The following TTF2 variants were observed in gnomAD, a reference collection of about 807,000 sequenced individuals.
TTF2 encodes the protein transcription termination factor 2.
In TTF2, 108 loss-of-function variants were observed where a neutral mutation model predicts 142.4. That is an observed-to-expected ratio of 0.76 (90% CI 0.65 to 0.89). The LOEUF (loss-of-function observed/expected upper bound fraction) is 0.89. Ranked by LOEUF, TTF2 falls within the 40% of genes least tolerant of loss-of-function variation. The probability of loss-of-function intolerance (pLI) is 0.00; values close to 1 mark genes in which losing one functional copy is unlikely to be tolerated. For missense variants in TTF2, 1,327 were observed against 1,379.8 expected, an observed-to-expected ratio of 0.96 and a Z score of 0.61; for synonymous variants, 483 against 506.2, an observed-to-expected ratio of 0.95 and a Z score of 0.61.
rs1413671731 is a variant in TTF2, at chr1:117,070,980, G to A, written c.219-2681G>A. ...GTTGTACATCATGGGACTAATTTAG[G>A]AAGTTAGAAAAAGAACAATAAATTA... On this transcript the variant is annotated intron_variant, in intron 3 of 22. Coordinates refer to ENST00000369466, the MANE Select transcript of TTF2 (RefSeq NM_003594.4). This position sits in a 1 kb window ranked among gnomAD's most constrained non-coding sequence, Gnocchi z 4.2. Among the ~76,000 whole-genome samples, 1 of 152,124 alleles carries A rather than the reference G, an allele frequency of 6.6e-6. No individual in the cohort carries two copies. The highest frequency in any genetic ancestry group is 2.4e-5 in the African/African-American group (1 of 41,422).
In TTF2 at chr1:117,074,887, A is replaced by T. The variant is rs773186575; in HGVS notation, c.303A>T (p.Glu101Asp). Reference protein sequence around the residue: ...SIPWQDPDSKEHSVSNKSQHA... With the variant: ...SIPWQDPDSKDHSVSNKSQHA... Reference sequence around the variant, plus strand: ...GTCTTTAGGATCCTGATTCCAAAGAACATTCTGTATCCAATAAGTCTCAGC... The same window carrying T: ...GTCTTTAGGATCCTGATTCCAAAGATCATTCTGTATCCAATAAGTCTCAGC... The change falls in exon 5 of 23, where the codon GAA becomes GAT. Residue 101 changes from glutamate (E) to aspartate (D), a missense_variant. Transcript: ENST00000369466. 6.3e-7 allele frequency: 1 copy of T among 1,582,746 alleles called. No individual in the cohort carries two copies. Among genetic ancestry groups the T allele is most frequent in the East Asian group, 2.2e-5 (1 of 44,602 alleles).
Position 117,076,043 on chromosome 1 carries a change from A to C in TTF2, c.1276-137A>C. The C allele has an allele frequency of 7.7e-7, 1 of 1,297,126 alleles. No homozygotes were observed. Among genetic ancestry groups the C allele is most frequent in the Non-Finnish European group, 1.0e-6 (1 of 963,168 alleles). The allele number at this position is 1,297,126 out of a possible 1,614,324, so 80.4% of individuals were successfully genotyped here. A position where few individuals can be genotyped will look rare whatever the true frequency, so the allele number is the denominator to read the frequency against. On this transcript the variant is annotated intron_variant, in intron 5 of 22. Transcript: ENST00000369466. The surrounding 1 kb of genome is among the most constrained non-coding windows in gnomAD (Gnocchi z 4.6). ...TGGTAAGCCAGCTGGGTTAAAATTT[A>C]AAAAAGGTTCTGGTTTTTGCACACA... is the stretch of plus-strand genomic sequence containing the variant.
intron 19 of TTF2, 116 bp from the exon 20 acceptor site, chr1:117,096,033 C>T (rs1649110764): frequency 7.8e-6 from 9 of 1,157,148 alleles, no homozygotes; most frequent in Non-Finnish European, 1.1e-5. Context: ...TAGCAGAAGG[C>T]CTTTCCTTGT....
chr1:117,083,933 A>G (rs1647771452), intron 10 of TTF2, 85 bp from the exon 11 acceptor site: 1 of 1,507,240 alleles, frequency 6.6e-7, no homozygotes, highest in African/African-American at 1.4e-5. Context: ...TAACACAGCA[A>G]GACCGTGTCT....
At position 117,101,240 on chromosome 1, in the gene TTF2, AG is replaced by A; in HGVS notation, c.3345-137del. On this transcript the variant is annotated intron_variant, in intron 22 of 22. Coordinates refer to ENST00000369466, the MANE Select transcript of TTF2 (RefSeq NM_003594.4). This position sits in a 1 kb window ranked among gnomAD's most constrained non-coding sequence, Gnocchi z 5.9. ...TCAAGGTTGTTTGGATTCCTCAGAC[AG>A]GGTTCTTAACTGGACCTAAGAAGAC... 3.7e-6 allele frequency: 3 copies of A among 809,028 alleles called. No individual in the cohort carries two copies. 50.1% of individuals were successfully genotyped at this position (809,028 alleles called of 1,614,324 possible).
chr1:117,104,453 T>G lies in TTF2; in HGVS notation c.*2929T>G, dbSNP rs2101299259. On this transcript the variant is annotated 3_prime_UTR_variant, in exon 23 of 23. Transcript: ENST00000369466. The stretch of plus-strand genomic sequence containing the variant: ...GGTTCAAGCATTCTGGCTTTTAGTT[T>G]GGAGAGGGATGCAGGGATTGTAACT... The G allele has an allele frequency of 2.0e-5, 3 of 152,340 alleles. No individual in the cohort carries two copies. The Middle Eastern group carries it at 0.01, about 518-fold the overall frequency. 9.4% of individuals were successfully genotyped at this position (152,340 alleles called of 1,614,324 possible).
Position 117,104,473 on chromosome 1 carries a change from G to A in TTF2, c.*2949G>A, listed in dbSNP as rs1570899930. 6.6e-6 allele frequency: 1 copy of A among 152,344 alleles called. No individual in the cohort carries two copies. The highest frequency in any genetic ancestry group is 1.9e-4 in the East Asian group (1 of 5,188). 9.4% of individuals were successfully genotyped at this position (152,344 alleles called of 1,614,324 possible). Reference sequence around the variant, plus strand: ...TAGTTTGGAGAGGGATGCAGGGATTGTAACTTAAAATCTTCAGATATTGAG... The same window carrying A: ...TAGTTTGGAGAGGGATGCAGGGATTATAACTTAAAATCTTCAGATATTGAG... On this transcript the variant is annotated 3_prime_UTR_variant, in exon 23 of 23. Transcript: ENST00000369466.
chr1:117,101,977 A>G lies in TTF2; in HGVS notation c.*453A>G, dbSNP rs41276574. 0.022 allele frequency: 3,411 copies of G among 152,880 alleles called. 67 individuals carry two copies. Among genetic ancestry groups the G allele is most frequent in the Middle Eastern group, 0.041 (12 of 294 alleles). 9.5% of individuals were successfully genotyped at this position (152,880 alleles called of 1,614,324 possible). ...GGCAACATAGTAAGACCCCATCTCTATGAAGAATAAAAAAATGAGCTAGGC... is the reference window on the plus strand; with the variant it reads ...GGCAACATAGTAAGACCCCATCTCTGTGAAGAATAAAAAAATGAGCTAGGC... On this transcript the variant is annotated 3_prime_UTR_variant, in exon 23 of 23. Transcript: ENST00000369466. This position sits in a 1 kb window ranked among gnomAD's most constrained non-coding sequence, Gnocchi z 5.9.
Position 117,095,325 on chromosome 1 carries a change from C to T in TTF2, c.2993C>T (p.Ala998Val). The T allele has an allele frequency of 6.2e-7, 1 of 1,614,102 alleles. No homozygotes were observed. Among genetic ancestry groups the T allele is most frequent in the Middle Eastern group, 1.7e-4 (1 of 6,060 alleles). ...TTTTCCCAGATTTCATCTCTGTTGG[C>T]AGAATTGGAGGCAATTCAAAGAAAT... ...RESTKISSLL[A>V]ELEAIQRNSA... The change falls in exon 19 of 23, where the codon GCA becomes GTA. Residue 998 changes from alanine (A) to valine (V), a missense_variant. Ala to Val is a moderately conservative substitution (Grantham distance 64). Coordinates refer to ENST00000369466, the MANE Select transcript of TTF2 (RefSeq NM_003594.4).
At position 117,090,152 on chromosome 1, in the gene TTF2, A is replaced by G. The variant is rs1238757960; in HGVS notation, c.2440A>G (p.Lys814Glu). ...AGGAGAACGGTTAAGTATTTTAACC[A>G]AGAGCCTTTTGCTGAGGAGAACAAA... is the stretch of plus-strand genomic sequence containing the variant. ...KGGERLSILT[K>E]SLLLRRTKDQ... Residue 814 changes from lysine to glutamate, a missense_variant, in exon 14 of 23, where the codon AAG becomes GAG. Transcript: ENST00000369466. The surrounding 1 kb of genome is among the most constrained non-coding windows in gnomAD (Gnocchi z 4.8). 1 of 1,614,080 alleles carries G rather than the reference A, an allele frequency of 6.2e-7. No homozygotes were observed. The highest frequency in any genetic ancestry group is 8.5e-7 in the Non-Finnish European group (1 of 1,180,008).
intron 3 of TTF2, among the ~76,000 whole-genome samples, chr1:117,062,941 C>T (rs1655804774): frequency 6.6e-6 from 1 of 152,096 alleles, no homozygotes; most frequent in Non-Finnish European, 1.5e-5. Context: ...AGTAGGAATT[C>T]CCTAAGTGTT....
At position 117,072,520 on chromosome 1, in the gene TTF2, G is replaced by T. The variant is rs544612727; in HGVS notation, c.219-1141G>T. 6.0e-5 allele frequency among the ~76,000 whole-genome samples: 9 copies of T among 150,902 alleles called. 1 individual carries two copies. In the East Asian group the frequency reaches 1.8e-3, roughly 29 times the overall value. ...GCTCACTGCAACCTACGCCTCCCGG[G>T]TTCAAGCGATTCTCCTGCCTCAGCC... is the stretch of plus-strand genomic sequence containing the variant. On this transcript the variant is annotated intron_variant, in intron 3 of 22. Transcript: ENST00000369466.
At chr1:117,082,049 A>T in intron 10 of TTF2, 102 bp downstream of exon 10, 2 of 1,545,562 alleles carry the variant, frequency 1.3e-6, no homozygotes, top group Non-Finnish European at 1.8e-6. Flanking sequence ...GTCATATTTA[A>T]TTACTCTACT....
chr1:117,070,770 T>C lies in TTF2; in HGVS notation c.219-2891T>C, dbSNP rs1656510646. ...AGATTTTAAAAATTGTGAACTTGGA[T>C]GGGAAAATTGTGTTTGTACAAGAGG... On this transcript the variant is annotated intron_variant, in intron 3 of 22. Transcript: ENST00000369466. This position sits in a 1 kb window ranked among gnomAD's most constrained non-coding sequence, Gnocchi z 4.2. 6.6e-6 allele frequency among the ~76,000 whole-genome samples: 1 copy of C among 152,158 alleles called. No homozygotes were observed.
intron 3 of TTF2, among the ~76,000 whole-genome samples, chr1:117,066,930 T>A (rs888595481): frequency 1.3e-5 from 2 of 152,080 alleles, no homozygotes; most frequent in Non-Finnish European, 2.9e-5. Context: ...CTCAAACTCC[T>A]AGCCTCAAGT....
Position 117,080,012 on chromosome 1 carries a change from T to TC in TTF2, c.1783+363_1783+364insC, listed in dbSNP as rs1647354441. Among the ~76,000 whole-genome samples, 3 of 150,904 alleles carry TC rather than the reference T, an allele frequency of 2.0e-5. No homozygotes were observed. Among genetic ancestry groups the TC allele is most frequent in the African/African-American group, 7.3e-5 (3 of 41,120 alleles). ...ACAGCAGTCTATTGCCTCCCTCTTTTTTTTTTTTTTTTTTGAGATGGAGTT... is the reference window on the plus strand; with the variant it reads ...ACAGCAGTCTATTGCCTCCCTCTTTTCTTTTTTTTTTTTTTGAGATGGAGTT... On this transcript the variant is annotated intron_variant, in intron 9 of 22. Transcript: ENST00000369466. This position sits in a 1 kb window ranked among gnomAD's most constrained non-coding sequence, Gnocchi z 4.3.
chr1:117,086,669 C>T lies in TTF2; in HGVS notation c.2160+147C>T. 1 of 626,808 alleles carries T rather than the reference C, an allele frequency of 1.6e-6. No homozygotes were observed. Among genetic ancestry groups the T allele is most frequent in the Admixed American group, 2.6e-5 (1 of 39,076 alleles). The allele number at this position is 626,808 out of a possible 1,614,324, so 38.8% of individuals were successfully genotyped here. A position where few individuals can be genotyped will look rare whatever the true frequency, so the allele number is the denominator to read the frequency against. The stretch of plus-strand genomic sequence containing the variant: ...CGCATGTGGAAAGGAATTGTTCTTT[C>T]CTCTATCCCATCACCCTTATTCCAG... On this transcript the variant is annotated intron_variant, in intron 12 of 22. Coordinates refer to ENST00000369466, the MANE Select transcript of TTF2 (RefSeq NM_003594.4). This position sits in a 1 kb window ranked among gnomAD's most constrained non-coding sequence, Gnocchi z 4.2.
chr1:117,101,256 C>G lies in TTF2; in HGVS notation c.3345-124C>G. 4.8e-6 allele frequency: 5 copies of G among 1,038,114 alleles called. No individual in the cohort carries two copies. Among genetic ancestry groups the G allele is most frequent in the Non-Finnish European group, 6.7e-6 (5 of 742,544 alleles). 64.3% of individuals were successfully genotyped at this position (1,038,114 alleles called of 1,614,324 possible). On this transcript the variant is annotated intron_variant, in intron 22 of 22. Coordinates refer to ENST00000369466, the MANE Select transcript of TTF2 (RefSeq NM_003594.4). This position sits in a 1 kb window ranked among gnomAD's most constrained non-coding sequence, Gnocchi z 5.9. ...TCCTCAGACAGGGTTCTTAACTGGA[C>G]CTAAGAAGACTTAAAGGAAGAAATC...
Position 117,076,396 on chromosome 1 carries a change from C to A in TTF2, c.1390+102C>A. ...GAATGTGTTGATTCATTCACTTTTCCATTTTATTATCTGCTTCTGAGACTT... is the reference window on the plus strand; with the variant it reads ...GAATGTGTTGATTCATTCACTTTTCAATTTTATTATCTGCTTCTGAGACTT... On this transcript the variant is annotated intron_variant, in intron 6 of 22. Transcript: ENST00000369466. This position sits in a 1 kb window ranked among gnomAD's most constrained non-coding sequence, Gnocchi z 4.6. The A allele has an allele frequency of 9.8e-7, 1 of 1,024,296 alleles. No homozygotes were observed. The highest frequency in any genetic ancestry group is 1.4e-6 in the Non-Finnish European group (1 of 702,864). The allele number at this position is 1,024,296 out of a possible 1,614,324, so 63.5% of individuals were successfully genotyped here.
Sources: gnomAD v4.1 joint callset for allele counts (sites outside exome capture counted in the v4.1 genomes callset) on GRCh38, gnomAD v4.1.1 for gene constraint, Gnocchi (gnomAD v3.1) non-coding constraint, MANE v1.5 for transcripts, NCBI Gene and HGNC (gene_info 2026-07-23, HGNC 2026-07-21) for gene names.